NCBP3: variants seen among roughly 807,000 people sequenced by gnomAD.
NCBP3 encodes the protein nuclear cap-binding protein subunit 3.
NCBP3 carries 20 observed loss-of-function variants against 75.7 expected under a neutral mutation model. The observed-to-expected ratio is 0.26, with a 90% CI of 0.19 to 0.38. The LOEUF (loss-of-function observed/expected upper bound fraction) is 0.38, where lower values mean the gene tolerates loss of function less well. Ranked by LOEUF, NCBP3 falls within the 10% of genes least tolerant of loss-of-function variation. The pLI is 1.00. For missense variants in NCBP3, 678 were observed against 796.9 expected (o/e 0.85, Z 1.80); for synonymous variants, 293 against 290.5 (o/e 1.01, Z -0.09).
rs181530699 is a variant in NCBP3 at position 3,816,291 on chromosome 17, G to T, written c.1311-21C>A. 46 of 1,604,752 alleles carry T rather than the reference G, an allele frequency of 2.9e-5. No individual in the cohort carries two copies. The Admixed American group carries it at 7.2e-4, about 25-fold the overall frequency. On this transcript the variant is annotated intron_variant, in intron 10 of 12. Coordinates refer to ENST00000389005, the MANE Select transcript of NCBP3 (RefSeq NM_001114118.3). Reference sequence around the variant, plus strand: ...AGTTCCTTTAAAAAGGGGGTAGGATGGGGCACAGTTAACCAACTTCAACTG... The same window carrying T: ...AGTTCCTTTAAAAAGGGGGTAGGATTGGGCACAGTTAACCAACTTCAACTG...
In NCBP3 at chr17:3,844,622, G is replaced by T. The variant is rs147069458; in HGVS notation, c.183+1419C>A. ...TCCCAGCACTTTGGGAGGCAGAGGC[G>T]GGCGGATCACCTGAGGTCAGGTGTT... On this transcript the variant is annotated intron_variant, in intron 1 of 12. Coordinates refer to ENST00000389005, the MANE Select transcript of NCBP3 (RefSeq NM_001114118.3). Among the ~76,000 whole-genome samples, 882 of 152,290 alleles carry T rather than the reference G, an allele frequency of 5.8e-3. 7 individuals are homozygous for T. Among genetic ancestry groups the T allele is most frequent in the African/African-American group, 0.021 (858 of 41,564 alleles).
intron 3 of NCBP3, among the ~76,000 whole-genome samples, chr17:3,837,029 T>A (rs1191749424): frequency 2.0e-5 from 3 of 151,656 alleles, no homozygotes; most frequent in African/African-American, 4.8e-5. Flanking sequence ...GCGTCTGTAG[T>A]CCCAGCTACT....
intron 12 of NCBP3, 148 bp downstream of exon 12, chr17:3,814,174 T>C: frequency 1.2e-6 from 1 of 807,008 alleles, no homozygotes; most frequent in South Asian, 1.9e-5. Context: ...ATGCTGATGC[T>C]GACGATAACT....
chr17:3,832,956 A>C (rs1364355698), intron 3 of NCBP3, among the ~76,000 whole-genome samples: 1 of 152,196 alleles, frequency 6.6e-6, no homozygotes, highest in East Asian at 1.9e-4. Flanking sequence ...CACCATGAAG[A>C]TTTATGAATC....
At chr17:3,845,938 T>A in intron 1 of NCBP3, 103 bp downstream of exon 1, 3 of 1,340,444 alleles carry the variant, frequency 2.2e-6, no homozygotes, top group Non-Finnish European at 3.0e-6. Flanking sequence ...CCCGCTCCCT[T>A]GACTTCCCCG....
At chr17:3,814,009 C>T (rs542848760) in intron 12 of NCBP3, among the ~76,000 whole-genome samples, 6 of 152,196 alleles carry the variant, frequency 3.9e-5, no homozygotes, top group East Asian at 3.9e-4. Flanking sequence ...CAAACAACTA[C>T]GATAAAATGC....
intron 3 of NCBP3, among the ~76,000 whole-genome samples, chr17:3,830,080 T>G (rs1415830844): frequency 1.3e-5 from 2 of 152,120 alleles, no homozygotes; most frequent in Non-Finnish European, 2.9e-5. Flanking sequence ...TGGCAGTAAG[T>G]AGGGGAAAGG....
At chr17:3,840,050 A>G in intron 3 of NCBP3, 50 bp downstream of exon 3, 1 of 1,422,256 alleles carries the variant, frequency 7.0e-7, no homozygotes. Flanking sequence ...GGCAGGGAAA[A>G]GGCACTCTCT....
chr17:3,827,190 G>C (rs1182630898), intron 4 of NCBP3, among the ~76,000 whole-genome samples: 1 of 152,086 alleles, frequency 6.6e-6, no homozygotes, highest in Non-Finnish European at 1.5e-5. Context: ...TTCCAAACTG[G>C]GTTCCACAAA....
intron 4 of NCBP3, 148 bp from the exon 5 acceptor site, chr17:3,826,363 T>C (rs2053783439): frequency 1.2e-6 from 1 of 804,344 alleles, no homozygotes; most frequent in Non-Finnish European, 1.8e-6. Context: ...AAGAGAAATA[T>C]AGACCAGGCA....
intron 10 of NCBP3, among the ~76,000 whole-genome samples, chr17:3,817,081 T>C (rs1266753677): frequency 6.6e-6 from 1 of 151,836 alleles, no homozygotes; most frequent in East Asian, 1.9e-4. Context: ...ACAAATCAGC[T>C]TGAATGGTCT....
At position 3,831,961 on chromosome 17, in the gene NCBP3, A is replaced by G. The variant is rs975255919; in HGVS notation, c.356-2593T>C. On this transcript the variant is annotated intron_variant, in intron 3 of 12. Coordinates refer to ENST00000389005, the MANE Select transcript of NCBP3 (RefSeq NM_001114118.3). ...CACTTTGGGAGGCCAAGGCGGGTGG[A>G]TCACTTGATGTCAGGAGTTCGAGAT... is the stretch of plus-strand genomic sequence containing the variant. 1.3e-4 allele frequency among the ~76,000 whole-genome samples: 16 copies of G among 121,934 alleles called. 1 individual carries two copies. The highest frequency in any genetic ancestry group is 4.0e-4 in the African/African-American group (16 of 39,972). The allele number at this position is 121,934 out of a possible 152,430, so 80.0% of individuals were successfully genotyped here. A position where few individuals can be genotyped will look rare whatever the true frequency, so the allele number is the denominator to read the frequency against.
At position 3,805,658 on chromosome 17, in the gene NCBP3, CACTGGGTGCTGGGACCAAGGGT is replaced by C. The variant is rs1567573748; in HGVS notation, c.*7364_*7385del. On this transcript the variant is annotated 3_prime_UTR_variant, in exon 13 of 13. Transcript: ENST00000389005. Reference sequence around the variant, plus strand: ...GAAGGGGCTGGGAGGGCGAGGGCTGCACTGGGTGCTGGGACCAAGGGTCCAGGGGCTTGGATCTCTTGTTTAC... The same window carrying C: ...GAAGGGGCTGGGAGGGCGAGGGCTGCCCAGGGGCTTGGATCTCTTGTTTAC... 6.6e-6 allele frequency: 1 copy of C among 152,402 alleles called. No homozygotes were observed. Among genetic ancestry groups the C allele is most frequent in the Non-Finnish European group, 1.5e-5 (1 of 68,188 alleles). 9.4% of individuals were successfully genotyped at this position (152,402 alleles called of 1,614,324 possible).
intron 4 of NCBP3, among the ~76,000 whole-genome samples, chr17:3,827,278 A>G (rs1417672125): frequency 6.6e-6 from 1 of 152,224 alleles, no homozygotes; most frequent in African/African-American, 2.4e-5. Flanking sequence ...TAAACACTCA[A>G]TATGTAAGTA....
chr17:3,834,216 A>G (rs889880743), intron 3 of NCBP3, among the ~76,000 whole-genome samples: 1 of 152,248 alleles, frequency 6.6e-6, no homozygotes, highest in African/African-American at 2.4e-5. Context: ...ATGCCAGTCT[A>G]CACAGTAACA....
rs933736471 is a variant in NCBP3, at chr17:3,810,712, C to T, written c.*2332G>A. On this transcript the variant is annotated 3_prime_UTR_variant, in exon 13 of 13. Transcript: ENST00000389005. ...CGAGAAGTAAAAATCTTTAAAGCTG[C>T]CTTTCTGGGTTCTCTCTGTGTGTCT... 6.6e-6 allele frequency: 1 copy of T among 152,148 alleles called. No homozygotes were observed. The highest frequency in any genetic ancestry group is 1.9e-4 in the East Asian group (1 of 5,194). The allele number at this position is 152,148 out of a possible 1,614,324, so 9.4% of individuals were successfully genotyped here.
intron 1 of NCBP3, among the ~76,000 whole-genome samples, 172 bp downstream of exon 1, chr17:3,845,869 G>A (rs548499012): frequency 6.8e-6 from 1 of 146,872 alleles, no homozygotes; most frequent in African/African-American, 2.6e-5. Flanking sequence ...CCTTTCTCCC[G>A]CTCCGCGTCC....
rs543922752 is a variant in NCBP3 at position 3,846,234 on chromosome 17, C to T, written c.-11G>A. The T allele has an allele frequency of 1.8e-5, 25 of 1,419,506 alleles. No homozygotes were observed. Among genetic ancestry groups the T allele is most frequent in the Non-Finnish European group, 1.9e-5 (21 of 1,094,912 alleles). The allele number at this position is 1,419,506 out of a possible 1,614,324, so 87.9% of individuals were successfully genotyped here. On this transcript the variant is annotated 5_prime_UTR_variant, in exon 1 of 13. Transcript: ENST00000389005. The surrounding 1 kb of genome is among the most constrained non-coding windows in gnomAD (Gnocchi z 4.6). ...CCGTACGGCCGCCATCGCTGCCTGC[C>T]GGCCGCACCACTGAGAGCCCGCCCC...
At chr17:3,826,739 A>C (rs1409647646) in intron 4 of NCBP3, among the ~76,000 whole-genome samples, 2 of 140,870 alleles carry the variant, frequency 1.4e-5, no homozygotes, top group East Asian at 3.9e-4. Flanking sequence ...AGAGAGATGA[A>C]AGAAAGAAAA....
Sources: allele counts gnomAD v4.1 joint callset (sites outside exome capture counted in the v4.1 genomes callset), GRCh38; gene constraint gnomAD v4.1.1; non-coding constraint Gnocchi (gnomAD v3.1); transcripts MANE v1.5; gene names NCBI Gene and HGNC (gene_info 2026-07-23, HGNC 2026-07-21).